Variants in PCDHB15 observed in about 807,000 individuals in gnomAD.
The protein encoded by PCDHB15 is protocadherin beta-15.
For missense variants in PCDHB15, 1,032 were observed against 991.7 expected (o/e 1.04, Z -0.55); for synonymous variants, 492 against 447.9 (o/e 1.10, Z -1.24).
At position 141,247,628 on chromosome 5, in the gene PCDHB15, G is replaced by T. The variant is rs141743374; in HGVS notation, c.2050G>T (p.Asp684Tyr). Residue 684 changes from aspartate to tyrosine, a missense_variant, in exon 1 of 1, where the codon GAC becomes TAC. By Grantham distance (160) the Asp-to-Tyr change is radical (BLOSUM62 -3). Transcript: ENST00000231173. ...GGCGGCCCCGGCCCAAGCCCAGGCC[G>T]ACTCGCTTACCGTCTACCTGGTGGT... ...PEAAPAQAQADSLTVYLVVAL... is the reference protein window; with the variant it reads ...PEAAPAQAQAYSLTVYLVVAL... The T allele has an allele frequency of 3.0e-3, 4,792 of 1,610,218 alleles. 20 individuals are homozygous for T. The highest frequency in any genetic ancestry group is 0.011 in the Middle Eastern group (53 of 5,026).
rs1755317928 is a variant in PCDHB15, at chr5:141,247,763, G to A, written c.2185G>A (p.Glu729Lys). ...CTCAGTGGGTCGCTGCTCGGTGCCC[G>A]AGGGCCCCTTTCCAGGGCATCTGGT... ...AASVGRCSVP[E>K]GPFPGHLVDV... Residue 729 changes from glutamate (E) to lysine (K), a missense_variant, in exon 1 of 1, where the codon GAG becomes AAG. Physicochemically the swap from Glu to Lys is moderately conservative, Grantham distance 56. Transcript: ENST00000231173. 1.9e-6 allele frequency: 3 copies of A among 1,614,166 alleles called. No homozygotes were observed. The highest frequency in any genetic ancestry group is 2.5e-6 in the Non-Finnish European group (3 of 1,180,024).
chr5:141,245,580 TGGAGCCTGCAGG>T lies in PCDHB15; in HGVS notation c.8_19del (p.ProAlaGlyGlu3_?6). ...AAAGGGGCGTGTACAGAAGTAAAGA[TGGAGCCTGCAGG>T]GGAGCGCTTTCCCGAACAAAGGCAA... On this transcript the variant is annotated start_lost and inframe_deletion, in exon 1 of 1. Transcript: ENST00000231173. The T allele has an allele frequency of 6.2e-7, 1 of 1,613,704 alleles. No homozygotes were observed. The highest frequency in any genetic ancestry group is 8.5e-7 in the Non-Finnish European group (1 of 1,179,718).
chr5:141,247,181 G>T lies in PCDHB15; in HGVS notation c.1603G>T (p.Asp535Tyr). ...QAFEFRVGAT[D>Y]RGFPALSSEA... The stretch of plus-strand genomic sequence containing the variant: ...TTTCGAGTTCCGCGTGGGCGCCACA[G>T]ACCGCGGCTTCCCGGCGCTGAGCAG... Residue 535 changes from aspartate to tyrosine, a missense_variant, in exon 1 of 1, where the codon GAC becomes TAC. Coordinates refer to ENST00000231173, the MANE Select transcript of PCDHB15 (RefSeq NM_018935.4). The T allele has an allele frequency of 6.2e-7, 1 of 1,613,180 alleles. No individual in the cohort carries two copies.
In PCDHB15 at chr5:141,245,982, A is replaced by G. The variant is rs781910662; in HGVS notation, c.404A>G (p.Glu135Gly). The part of the protein sequence containing the change: ...DINDHSPEFP[E>G]REMTLKIPET... ...AACGATCATTCTCCTGAGTTTCCTG[A>G]AAGAGAAATGACCCTGAAAATCCCA... Residue 135 changes from glutamate to glycine, a missense_variant, in exon 1 of 1, where the codon GAA (glutamate) becomes GGA (glycine). By Grantham distance (98) the Glu-to-Gly change is moderately conservative (BLOSUM62 -2). Coordinates refer to ENST00000231173, the MANE Select transcript of PCDHB15 (RefSeq NM_018935.4). 1 of 1,614,178 alleles carries G rather than the reference A, an allele frequency of 6.2e-7. No homozygotes were observed. Among genetic ancestry groups the G allele is most frequent in the Non-Finnish European group, 8.5e-7 (1 of 1,180,042 alleles).
In PCDHB15 at chr5:141,249,172, T is replaced by C. The variant is rs1437613456; in HGVS notation, c.*1230T>C. On this transcript the variant is annotated 3_prime_UTR_variant, in exon 1 of 1. Coordinates refer to ENST00000231173, the MANE Select transcript of PCDHB15 (RefSeq NM_018935.4). ...ATCTGGGTGGGTCTATTTCAATCAG[T>C]GGAAAGGCCATAAAAGCAGAGTTGA... The C allele has an allele frequency of 3.3e-5, 5 of 152,116 alleles. No homozygotes were observed. The highest frequency in any genetic ancestry group is 1.2e-4 in the African/African-American group (5 of 41,410). 9.4% of individuals were successfully genotyped at this position (152,116 alleles called of 1,614,324 possible).
Position 141,248,373 on chromosome 5 carries a change from C to T in PCDHB15, c.*431C>T, listed in dbSNP as rs1554292450. 6.2e-6 allele frequency: 1 copy of T among 161,036 alleles called. No homozygotes were observed. Among genetic ancestry groups the T allele is most frequent in the Non-Finnish European group, 1.5e-5 (1 of 68,284 alleles). The allele number at this position is 161,036 out of a possible 1,614,324, so 10.0% of individuals were successfully genotyped here. A position where few individuals can be genotyped will look rare whatever the true frequency, so the allele number is the denominator to read the frequency against. On this transcript the variant is annotated 3_prime_UTR_variant, in exon 1 of 1. Coordinates refer to ENST00000231173, the MANE Select transcript of PCDHB15 (RefSeq NM_018935.4). ...GGGGTGTAATCATTTCATATTTATC[C>T]ATGTGTAATTTCTTCCAAGCTTCAT... is the stretch of plus-strand genomic sequence containing the variant.
chr5:141,247,653 T>C lies in PCDHB15; in HGVS notation c.2075T>C (p.Val692Ala), dbSNP rs1554292289. 3 of 1,610,396 alleles carry C rather than the reference T, an allele frequency of 1.9e-6. No homozygotes were observed. The highest frequency in any genetic ancestry group is 2.5e-6 in the Non-Finnish European group (3 of 1,179,852). ...GACTCGCTTACCGTCTACCTGGTGG[T>C]GGCATTGGCCTCGGTGTCTTCGCTC... Reference protein sequence around the residue: ...QADSLTVYLVVALASVSSLFL... With the variant: ...QADSLTVYLVAALASVSSLFL... Residue 692 changes from valine (V) to alanine (A), a missense_variant, in exon 1 of 1, where the codon GTG becomes GCG. Coordinates refer to ENST00000231173, the MANE Select transcript of PCDHB15 (RefSeq NM_018935.4).
In PCDHB15 at chr5:141,246,412, A is replaced by C. The variant is rs1192715444; in HGVS notation, c.834A>C (p.Ser278=). 1.2e-6 allele frequency: 2 copies of C among 1,613,862 alleles called. No individual in the cohort carries two copies. Among genetic ancestry groups the C allele is most frequent in the African/African-American group, 2.7e-5 (2 of 74,928 alleles). ...ACACTGGGACAAATGGAGAGATATC[A>C]TACTCCCTTTATTACAGCTCTCAGG... is the stretch of plus-strand genomic sequence containing the variant. ...DLDTGTNGEI[S]YSLYYSSQEI... The change falls in exon 1 of 1, where the codon TCA becomes TCC. Residue 278 remains serine (S), a synonymous_variant. Transcript: ENST00000231173.
rs1755336157 is a variant in PCDHB15, at chr5:141,248,695, A to C, written c.*753A>C. On this transcript the variant is annotated 3_prime_UTR_variant, in exon 1 of 1. Coordinates refer to ENST00000231173, the MANE Select transcript of PCDHB15 (RefSeq NM_018935.4). ...GGCCAATAGACACTAGGACCAAGTA[A>C]TGCATCTCCTGCAATTTCCTCTTTT... is the stretch of plus-strand genomic sequence containing the variant. 6.6e-6 allele frequency: 1 copy of C among 152,168 alleles called. No individual in the cohort carries two copies. Among genetic ancestry groups the C allele is most frequent in the Admixed American group, 6.5e-5 (1 of 15,278 alleles). 9.4% of individuals were successfully genotyped at this position (152,168 alleles called of 1,614,324 possible). A position where few individuals can be genotyped will look rare whatever the true frequency, so the allele number is the denominator to read the frequency against.
Position 141,247,229 on chromosome 5 carries a change from G to T in PCDHB15, c.1651G>T (p.Val551Leu), listed in dbSNP as rs145820167. ...CAGCGAGGCGCTGGTGCGAGTGCTG[G>T]TGCTGGACGCCAACGACAACTCGCC... is the stretch of plus-strand genomic sequence containing the variant. Reference protein sequence around the residue: ...LSSEALVRVLVLDANDNSPFV... With the variant: ...LSSEALVRVLLLDANDNSPFV... Residue 551 changes from valine (V) to leucine (L), a missense_variant, in exon 1 of 1, where the codon GTG (valine) becomes TTG (leucine). Val to Leu is a conservative substitution (Grantham distance 32, BLOSUM62 1). Coordinates refer to ENST00000231173, the MANE Select transcript of PCDHB15 (RefSeq NM_018935.4). The T allele has an allele frequency of 6.2e-4, 998 of 1,611,910 alleles. No individual in the cohort carries two copies. The highest frequency in any genetic ancestry group is 7.8e-4 in the Non-Finnish European group (917 of 1,179,676).
rs782184216 is a variant in PCDHB15, at chr5:141,247,070, C to G, written c.1492C>G (p.Leu498Val). 11 of 1,613,846 alleles carry G rather than the reference C, an allele frequency of 6.8e-6. No individual in the cohort carries two copies. In the East Asian group the frequency reaches 2.2e-4, roughly 33 times the overall value. ...GCTGCTGCCGCCCCGGGACCCGCAC[C>G]TGCCCCTCACCTCCCTGGTCTCCAT... ...YSLLPPRDPH[L>V]PLTSLVSINT... The change falls in exon 1 of 1, where the codon CTG becomes GTG. Residue 498 changes from leucine to valine, a missense_variant. Leu to Val is a conservative substitution (Grantham distance 32, BLOSUM62 1). Coordinates refer to ENST00000231173, the MANE Select transcript of PCDHB15 (RefSeq NM_018935.4).
Position 141,247,449 on chromosome 5 carries a change from T to G in PCDHB15, c.1871T>G (p.Val624Gly), listed in dbSNP as rs782093951. The change falls in exon 1 of 1, where the codon GTG becomes GGG. Residue 624 changes from valine to glycine, a missense_variant. Coordinates refer to ENST00000231173, the MANE Select transcript of PCDHB15 (RefSeq NM_018935.4). ...LFGVWAHNGE[V>G]RTARLLSERD... The stretch of plus-strand genomic sequence containing the variant: ...GGCGTGTGGGCGCACAATGGCGAGG[T>G]GCGCACCGCCAGGCTGCTGAGCGAG... The G allele has an allele frequency of 2.1e-5, 34 of 1,607,266 alleles. No individual in the cohort carries two copies. Among genetic ancestry groups the G allele is most frequent in the East Asian group, 8.9e-5 (4 of 44,864 alleles).
chr5:141,247,761 C>T lies in PCDHB15; in HGVS notation c.2183C>T (p.Pro728Leu), dbSNP rs1755317818. 2 of 1,614,054 alleles carry T rather than the reference C, an allele frequency of 1.2e-6. No individual in the cohort carries two copies. Among genetic ancestry groups the T allele is most frequent in the African/African-American group, 2.7e-5 (2 of 74,940 alleles). The change falls in exon 1 of 1, where the codon CCC becomes CTC. Residue 728 changes from proline (P) to leucine (L), a missense_variant. Physicochemically the swap from Pro to Leu is moderately conservative, Grantham distance 98. Transcript: ENST00000231173. ...RAASVGRCSV[P>L]EGPFPGHLVD... ...GCCTCAGTGGGTCGCTGCTCGGTGC[C>T]CGAGGGCCCCTTTCCAGGGCATCTG... is the stretch of plus-strand genomic sequence containing the variant.
rs1755239529 is a variant in PCDHB15, at chr5:141,245,718, A to G, written c.140A>G (p.Asn47Ser). The change falls in exon 1 of 1, where the codon AAC becomes AGC. Residue 47 changes from asparagine (N) to serine (S), a missense_variant. By Grantham distance (46) the Asn-to-Ser change is conservative. Coordinates refer to ENST00000231173, the MANE Select transcript of PCDHB15 (RefSeq NM_018935.4). ...ACAGAGAGAGGTTCTTTTGTAGCCA[A>G]CCTGGCCAATGACCTAGGGCTGGGA... ...EETERGSFVA[N>S]LANDLGLGVG... The G allele has an allele frequency of 6.2e-7, 1 of 1,614,156 alleles. No individual in the cohort carries two copies. Among genetic ancestry groups the G allele is most frequent in the Non-Finnish European group, 8.5e-7 (1 of 1,180,020 alleles).
rs368476541 is a variant in PCDHB15 at position 141,247,741 on chromosome 5, A to G, written c.2163A>G (p.Ser721=). ...TGTGCAGGAGGAGCAGGGCGGCCTC[A>G]GTGGGTCGCTGCTCGGTGCCCGAGG... ...VRLCRRSRAA[S]VGRCSVPEGP... The change falls in exon 1 of 1, where the codon TCA becomes TCG. Residue 721 remains serine, a synonymous_variant. Transcript: ENST00000231173. 7.0e-5 allele frequency: 113 copies of G among 1,613,972 alleles called. No individual in the cohort carries two copies. The highest frequency in any genetic ancestry group is 4.1e-4 in the African/African-American group (31 of 75,064).
rs377221149 is a variant in PCDHB15, at chr5:141,246,485, C to T, written c.907C>T (p.Leu303=). Residue 303 remains leucine (L), a synonymous_variant, in exon 1 of 1, where the codon CTA becomes TTA. Transcript: ENST00000231173. ...ELSSLSGEIR[L]IKKLDFETMS... is the part of the protein sequence containing the mutation. ...AAGCAGCCTTTCAGGAGAAATTCGA[C>T]TAATTAAAAAACTAGATTTTGAGAC... 6.2e-7 allele frequency: 1 copy of T among 1,614,102 alleles called. No individual in the cohort carries two copies. The highest frequency in any genetic ancestry group is 1.7e-5 in the Admixed American group (1 of 60,016).
In PCDHB15 at chr5:141,245,438, G is replaced by C. The variant is rs1323284827; in HGVS notation, c.-141G>C. On this transcript the variant is annotated 5_prime_UTR_variant, in exon 1 of 1. Transcript: ENST00000231173. Reference sequence around the variant, plus strand: ...GAGGAAAGCCTGTTAGCAGAGCACGGACCAGTGTCTCCGGAGAATGCTATT... The same window carrying C: ...GAGGAAAGCCTGTTAGCAGAGCACGCACCAGTGTCTCCGGAGAATGCTATT... 2.9e-6 allele frequency: 2 copies of C among 694,888 alleles called. No homozygotes were observed. Among genetic ancestry groups the C allele is most frequent in the Non-Finnish European group, 4.8e-6 (2 of 419,840 alleles). 43.0% of individuals were successfully genotyped at this position (694,888 alleles called of 1,614,324 possible).
Position 141,248,132 on chromosome 5 carries a change from T to C in PCDHB15, c.*190T>C. On this transcript the variant is annotated 3_prime_UTR_variant, in exon 1 of 1. Coordinates refer to ENST00000231173, the MANE Select transcript of PCDHB15 (RefSeq NM_018935.4). ...AATTATTGTATTATTATAAATATTT[T>C]ATATCAGGAAAGTTCATATTTCTGA... The C allele has an allele frequency of 2.1e-6, 1 of 475,064 alleles. No homozygotes were observed. The allele number at this position is 475,064 out of a possible 1,614,324, so 29.4% of individuals were successfully genotyped here.
At position 141,245,858 on chromosome 5, in the gene PCDHB15, A is replaced by G; in HGVS notation, c.280A>G (p.Lys94Glu). ...ATTAAATGAGAAGCTGGACCGGGAG[A>G]AGCTGTGTGGCCCTACTGAGCCCTG... ...LILNEKLDRE[K>E]LCGPTEPCIM... Residue 94 changes from lysine (K) to glutamate (E), a missense_variant, in exon 1 of 1, where the codon AAG (lysine) becomes GAG (glutamate). By Grantham distance (56) the Lys-to-Glu change is moderately conservative. Coordinates refer to ENST00000231173, the MANE Select transcript of PCDHB15 (RefSeq NM_018935.4). The G allele has an allele frequency of 6.2e-7, 1 of 1,614,168 alleles. No homozygotes were observed. The highest frequency in any genetic ancestry group is 8.5e-7 in the Non-Finnish European group (1 of 1,180,042).
Sources: allele counts gnomAD v4.1 joint callset, GRCh38; gene constraint gnomAD v4.1.1; transcripts MANE v1.5; gene names NCBI Gene and HGNC (gene_info 2026-07-23, HGNC 2026-07-21).